Variants in AGAP1 observed in about 807,000 individuals in gnomAD.
The protein encoded by AGAP1 is arf-GAP with GTPase, ANK repeat and PH domain-containing protein 1.
AGAP1 carries 29 observed loss-of-function variants against 105.3 expected under a neutral mutation model. That is an observed-to-expected ratio of 0.28 (90% CI 0.21 to 0.38). The LOEUF (loss-of-function observed/expected upper bound fraction) is 0.38, where lower values mean the gene tolerates loss of function less well. Ranked by LOEUF, AGAP1 falls within the 10% of genes least tolerant of loss-of-function variation. The pLI is 1.00. For missense variants in AGAP1, 998 were observed against 1,165.1 expected, an observed-to-expected ratio of 0.86 and a Z score of 2.09; for synonymous variants, 509 against 485.9, an observed-to-expected ratio of 1.05 and a Z score of -0.63.
rs899204019 is a variant in AGAP1 at position 235,807,343 on chromosome 2, C to G, written c.1050+12C>G. On this transcript the variant is annotated intron_variant, in intron 9 of 17. Transcript: ENST00000304032. ...TCCCAATTAAACAGGTGAGCAGCCT[C>G]CCCATCCTTCCCTCCCTGTCGCCGG... is the stretch of plus-strand genomic sequence containing the variant. The G allele has an allele frequency of 6.4e-6, 10 of 1,572,314 alleles. No homozygotes were observed. Among genetic ancestry groups the G allele is most frequent in the Non-Finnish European group, 8.6e-6 (10 of 1,167,006 alleles).
At chr2:235,661,518 GC>G (rs1240303257) in intron 1 of AGAP1, among the ~76,000 whole-genome samples, 1 of 134,318 alleles carries the variant, frequency 7.4e-6, no homozygotes, top group Non-Finnish European at 1.5e-5. Flanking sequence ...AAGGGGGCTG[GC>G]CAGGGCTGTG....
Position 235,866,857 on chromosome 2 carries a change from A to G in AGAP1, c.1051-16488A>G, listed in dbSNP as rs1006399332. Reference sequence around the variant, plus strand: ...ATCTTTTCTAATAAGGACAACAGTCATATTGGATTAGGGCCCATCCTAACA... The same window carrying G: ...ATCTTTTCTAATAAGGACAACAGTCGTATTGGATTAGGGCCCATCCTAACA... On this transcript the variant is annotated intron_variant, in intron 9 of 17. Coordinates refer to ENST00000304032, the MANE Select transcript of AGAP1 (RefSeq NM_001037131.3). This position sits in a 1 kb window ranked among gnomAD's most constrained non-coding sequence, Gnocchi z 6.1. 8.5e-5 allele frequency among the ~76,000 whole-genome samples: 13 copies of G among 152,200 alleles called. No homozygotes were observed. Among genetic ancestry groups the G allele is most frequent in the Admixed American group, 6.5e-4 (10 of 15,278 alleles).
In AGAP1 at chr2:236,061,239, GT is replaced by G. The variant is rs892709964; in HGVS notation, c.2114+11960del. Reference sequence around the variant, plus strand: ...GTGCTCTTGGACGGTCGTGGCAAGTGTTGGTGAGGAACGTGGAGACACTGGT... The same window carrying G: ...GTGCTCTTGGACGGTCGTGGCAAGTGTGGTGAGGAACGTGGAGACACTGGT... On this transcript the variant is annotated intron_variant, in intron 16 of 17. Transcript: ENST00000304032. The surrounding 1 kb of genome is among the most constrained non-coding windows in gnomAD (Gnocchi z 4.1). Among the ~76,000 whole-genome samples, 15 of 152,204 alleles carry G rather than the reference GT, an allele frequency of 9.9e-5. No homozygotes were observed. Among genetic ancestry groups the G allele is most frequent in the African/African-American group, 3.6e-4 (15 of 41,436 alleles).
intron 1 of AGAP1, among the ~76,000 whole-genome samples, chr2:235,658,360 C>T (rs903631061): frequency 5.9e-5 from 9 of 152,298 alleles, no homozygotes; most frequent in Middle Eastern, 3.4e-3. Flanking sequence ...GAGAAATAAG[C>T]GATTTTTCCA....
chr2:235,884,442 A>G (rs993814407), intron 10 of AGAP1, among the ~76,000 whole-genome samples: 1 of 128,296 alleles, frequency 7.8e-6, no homozygotes, highest in Non-Finnish European at 1.7e-5. Flanking sequence ...GTATTAGGTT[A>G]TTTTTCACTG....
intron 1 of AGAP1, among the ~76,000 whole-genome samples, chr2:235,521,124 G>A (rs1942596086): frequency 6.6e-6 from 1 of 152,172 alleles, no homozygotes; most frequent in Non-Finnish European, 1.5e-5. Context: ...CTCCAGCAGA[G>A]CTTCCAACAG....
intron 16 of AGAP1, among the ~76,000 whole-genome samples, chr2:236,074,760 G>A (rs1416063264): frequency 1.3e-5 from 2 of 152,092 alleles, no homozygotes; most frequent in African/African-American, 4.8e-5. Flanking sequence ...TGAGTTCTCA[G>A]TGAAAGAAAC....
At chr2:235,823,328 C>T (rs1269106844) in intron 9 of AGAP1, among the ~76,000 whole-genome samples, 1 of 152,124 alleles carries the variant, frequency 6.6e-6, no homozygotes, top group African/African-American at 2.4e-5. Flanking sequence ...TCTTTCCCCA[C>T]CTCCCCGTAT....
intron 1 of AGAP1, among the ~76,000 whole-genome samples, chr2:235,590,714 C>CGCT (rs1559272145): frequency 2.5e-5 from 1 of 39,484 alleles, no homozygotes; most frequent in African/African-American, 1.3e-4. Flanking sequence ...TGTGTGTGTG[C>CGCT]ATTTTTTTTT....
In AGAP1 at chr2:235,610,596, C is replaced by T. The variant is rs1026969703; in HGVS notation, c.164-98583C>T. ...AACCCTAATTACCTTCCAAAGATCC[C>T]ACCTCAGATACCATCGCATTGGGGG... On this transcript the variant is annotated intron_variant, in intron 1 of 17. Coordinates refer to ENST00000304032, the MANE Select transcript of AGAP1 (RefSeq NM_001037131.3). This position sits in a 1 kb window ranked among gnomAD's most constrained non-coding sequence, Gnocchi z 4.9. 2.6e-5 allele frequency among the ~76,000 whole-genome samples: 4 copies of T among 152,148 alleles called. No individual in the cohort carries two copies. The South Asian group carries it at 8.3e-4, about 32-fold the overall frequency.
At chr2:235,694,216 A>ACACTTGTAATCCCAG (rs1325613550) in intron 1 of AGAP1, among the ~76,000 whole-genome samples, 1 of 148,424 alleles carries the variant, frequency 6.7e-6, no homozygotes, top group East Asian at 1.9e-4. Flanking sequence ...ATGGTGGCTC[A>ACACTTGTAATCCCAG]CACTTGTAAT....
At position 235,900,096 on chromosome 2, in the gene AGAP1, C is replaced by T. The variant is rs2050996009; in HGVS notation, c.1156-8642C>T. ...CTGCTTTTGCCATCATGTAGGGACT[C>T]TCCACTGTACATGAAGCTGCCACCA... is the stretch of plus-strand genomic sequence containing the variant. On this transcript the variant is annotated intron_variant, in intron 10 of 17. Transcript: ENST00000304032. This position sits in a 1 kb window ranked among gnomAD's most constrained non-coding sequence, Gnocchi z 5.5. Among the ~76,000 whole-genome samples the T allele has an allele frequency of 6.6e-6, 1 of 152,230 alleles. No homozygotes were observed. The highest frequency in any genetic ancestry group is 2.4e-5 in the African/African-American group (1 of 41,462).
chr2:235,620,158 T>C lies in AGAP1; in HGVS notation c.164-89021T>C, dbSNP rs557456525. Among the ~76,000 whole-genome samples, 2 of 152,166 alleles carry C rather than the reference T, an allele frequency of 1.3e-5. No individual in the cohort carries two copies. The highest frequency in any genetic ancestry group is 2.9e-5 in the Non-Finnish European group (2 of 68,040). ...TCCTGCCGGGCATGGATGCTGACAA[T>C]AGAACTACTTTCCAGAAATCAGCAA... On this transcript the variant is annotated intron_variant, in intron 1 of 17. Coordinates refer to ENST00000304032, the MANE Select transcript of AGAP1 (RefSeq NM_001037131.3). The surrounding 1 kb of genome is among the most constrained non-coding windows in gnomAD (Gnocchi z 4.5).
rs569712527 is a variant in AGAP1 at position 236,104,850 on chromosome 2, A to G, written c.2115-15342A>G. Among the ~76,000 whole-genome samples, 31 of 152,132 alleles carry G rather than the reference A, an allele frequency of 2.0e-4. No individual in the cohort carries two copies. Among genetic ancestry groups the G allele is most frequent in the Non-Finnish European group, 4.1e-4 (28 of 67,960 alleles). ...GGAGGCGGAGGTAGCAGTGAGCCCAAGTTCATGCCACTGCACTGCAGCCTG... is the reference window on the plus strand; with the variant it reads ...GGAGGCGGAGGTAGCAGTGAGCCCAGGTTCATGCCACTGCACTGCAGCCTG... On this transcript the variant is annotated intron_variant, in intron 16 of 17. Transcript: ENST00000304032. The surrounding 1 kb of genome is among the most constrained non-coding windows in gnomAD (Gnocchi z 4.7).
chr2:235,852,741 G>A, intron 9 of AGAP1: 29 of 1,540,440 alleles, frequency 1.9e-5, no homozygotes, highest in Non-Finnish European at 2.5e-5. Flanking sequence ...AGGCCTGCTG[G>A]AGCCCGTGCC....
rs1947984851 is a variant in AGAP1 at position 235,662,322 on chromosome 2, G to A, written c.164-46857G>A. On this transcript the variant is annotated intron_variant, in intron 1 of 17. Coordinates refer to ENST00000304032, the MANE Select transcript of AGAP1 (RefSeq NM_001037131.3). This position sits in a 1 kb window ranked among gnomAD's most constrained non-coding sequence, Gnocchi z 4.2. ...GGCTGCCTCTGATCCCTCAGTCAGT[G>A]TGCAGAGCTGAGCTGATGAGGAAAG... 6.6e-6 allele frequency among the ~76,000 whole-genome samples: 1 copy of A among 152,182 alleles called. No individual in the cohort carries two copies. The highest frequency in any genetic ancestry group is 6.5e-5 in the Admixed American group (1 of 15,288).
rs1022657792 is a variant in AGAP1 at position 235,716,629 on chromosome 2, G to A, written c.223-928G>A. On this transcript the variant is annotated intron_variant, in intron 2 of 17. Coordinates refer to ENST00000304032, the MANE Select transcript of AGAP1 (RefSeq NM_001037131.3). The surrounding 1 kb of genome is among the most constrained non-coding windows in gnomAD (Gnocchi z 4.0). ...ATCATGCTTAAATTTGATCACTAGC[G>A]ATGTTCTAGTGGGGGAGGAAAAGGT... 3.3e-5 allele frequency among the ~76,000 whole-genome samples: 5 copies of A among 152,130 alleles called. No individual in the cohort carries two copies. Among genetic ancestry groups the A allele is most frequent in the Non-Finnish European group, 7.3e-5 (5 of 68,032 alleles).
Position 235,716,937 on chromosome 2 carries a change from C to A in AGAP1, c.223-620C>A, listed in dbSNP as rs1025255063. ...AAACGAGCACCTTTGCCGTCTCTCC[C>A]AGCAGCCCTGGCACTGTCCCCTTTT... On this transcript the variant is annotated intron_variant, in intron 2 of 17. Coordinates refer to ENST00000304032, the MANE Select transcript of AGAP1 (RefSeq NM_001037131.3). This position sits in a 1 kb window ranked among gnomAD's most constrained non-coding sequence, Gnocchi z 4.0. Among the ~76,000 whole-genome samples the A allele has an allele frequency of 4.6e-5, 7 of 152,064 alleles. No individual in the cohort carries two copies. The highest frequency in any genetic ancestry group is 1.7e-4 in the African/African-American group (7 of 41,412).
In AGAP1 at chr2:235,763,035, G is replaced by GGTGTGTGTGTGTGT. The variant is rs145122803; in HGVS notation, c.673+12550_673+12563dup. 2.3e-3 allele frequency among the ~76,000 whole-genome samples: 322 copies of GGTGTGTGTGTGTGT among 140,068 alleles called. 1 individual carries two copies. Among genetic ancestry groups the GGTGTGTGTGTGTGT allele is most frequent in the African/African-American group, 7.7e-3 (297 of 38,784 alleles). The allele number at this position is 140,068 out of a possible 152,430, so 91.9% of individuals were successfully genotyped here. On this transcript the variant is annotated intron_variant, in intron 6 of 17. Transcript: ENST00000304032. ...CGGGGGCAATGATTGTTAAGGCTCGGGTGTGTGTGTGTGTGTATGTGTGCG... is the reference window on the plus strand; with the variant it reads ...CGGGGGCAATGATTGTTAAGGCTCGGGTGTGTGTGTGTGTGTGTGTGTGTGTGTGTATGTGTGCG...
Sources: gnomAD v4.1 joint callset for allele counts (sites outside exome capture counted in the v4.1 genomes callset) on GRCh38, gnomAD v4.1.1 for gene constraint, Gnocchi (gnomAD v3.1) non-coding constraint, MANE v1.5 for transcripts, NCBI Gene and HGNC (gene_info 2026-07-23, HGNC 2026-07-21) for gene names.